The following CNIH3 variants were observed in gnomAD, a reference collection of about 807,000 sequenced individuals.
The protein encoded by CNIH3 is cornichon family AMPA receptor auxiliary protein 3, also known as protein cornichon homolog 3.
In CNIH3, 14 loss-of-function variants were observed where a neutral mutation model predicts 24.1. The observed-to-expected ratio is 0.58, with a 90% CI of 0.38 to 0.91. The LOEUF (loss-of-function observed/expected upper bound fraction) is 0.91. Ranked by LOEUF, CNIH3 falls within the 40% of genes least tolerant of loss-of-function variation. The probability of loss-of-function intolerance (pLI) is 0.00; values close to 1 mark genes in which losing one functional copy is unlikely to be tolerated. For synonymous variants in CNIH3, 68 were observed against 73.8 expected, an observed-to-expected ratio of 0.92 and a Z score of 0.40; for missense variants, 178 against 196.8, an observed-to-expected ratio of 0.90 and a Z score of 0.57.
chr1:224,704,956 C>T lies in CNIH3; in HGVS notation c.198+20113C>T, dbSNP rs554022436. ...GAAACCCCGTCTCTAGTAAAAAATA[C>T]AAAAATTAGCTGGGCATGGTGGCAG... On this transcript the variant is annotated intron_variant, in intron 3 of 5. Coordinates refer to ENST00000272133, the MANE Select transcript of CNIH3 (RefSeq NM_152495.2). The surrounding 1 kb of genome is among the most constrained non-coding windows in gnomAD (Gnocchi z 4.2). 1.3e-5 allele frequency among the ~76,000 whole-genome samples: 2 copies of T among 151,980 alleles called. No individual in the cohort carries two copies. The highest frequency in any genetic ancestry group is 2.1e-4 in the South Asian group (1 of 4,806).
At chr1:224,529,692 G>A (rs1440921370) in intron 2 of CNIH3, among the ~76,000 whole-genome samples, 1 of 152,210 alleles carries the variant, frequency 6.6e-6, no homozygotes, top group Non-Finnish European at 1.5e-5. Context: ...GAGGCAGAGA[G>A]GGAAGGTTAT....
chr1:224,705,171 T>C (rs1281488322), intron 3 of CNIH3, among the ~76,000 whole-genome samples: 3 of 152,136 alleles, frequency 2.0e-5, no homozygotes, highest in Admixed American at 2.0e-4. Context: ...GTGTTTCCCA[T>C]AGTTTCCTTT....
chr1:224,574,019 T>A (rs1051035723), intron 4 of CNIH3, among the ~76,000 whole-genome samples: 3 of 152,196 alleles, frequency 2.0e-5, no homozygotes, highest in African/African-American at 7.2e-5. Context: ...CACCTCAGCC[T>A]CCCAAGGTGT....
At chr1:224,671,672 C>T (rs1426186894) in intron 1 of CNIH3, among the ~76,000 whole-genome samples, 1 of 152,184 alleles carries the variant, frequency 6.6e-6, no homozygotes, top group Non-Finnish European at 1.5e-5. Context: ...AACACAAAAT[C>T]AAATAAAACA....
intron 1 of CNIH3, among the ~76,000 whole-genome samples, chr1:224,634,530 G>T (rs1572628958): frequency 6.6e-6 from 1 of 151,024 alleles, no homozygotes; most frequent in East Asian, 2.0e-4. Context: ...CCGAGATTGT[G>T]CCACGGCACT....
intron 1 of CNIH3, among the ~76,000 whole-genome samples, chr1:224,673,580 C>T (rs6676362): frequency 0.22 from 32,821 of 152,090 alleles, 3,578 homozygotes; most frequent in East Asian, 0.26. Context: ...AGAGGCTTCC[C>T]TGATCACTTC....
chr1:224,552,324 C>T (rs1235263654), intron 3 of CNIH3, among the ~76,000 whole-genome samples: 2 of 151,606 alleles, frequency 1.3e-5, no homozygotes, highest in Non-Finnish European at 2.9e-5. Flanking sequence ...AATATATCCT[C>T]TCCCTTATAT....
intron 1 of CNIH3, among the ~76,000 whole-genome samples, chr1:224,628,969 G>C (rs962219152): frequency 1.3e-5 from 2 of 148,276 alleles, no homozygotes; most frequent in Admixed American, 1.4e-4. Flanking sequence ...ACTTTGAGTT[G>C]TCCCGCCTTT....
intron 1 of CNIH3, among the ~76,000 whole-genome samples, chr1:224,629,993 G>T (rs1683739049): frequency 6.6e-6 from 1 of 152,134 alleles, no homozygotes; most frequent in South Asian, 2.1e-4. Flanking sequence ...TCCTTAAACC[G>T]ATATTTTATT....
chr1:224,598,031 G>T (rs1006911413), intron 3 of CNIH3, among the ~76,000 whole-genome samples: 52 of 152,330 alleles, frequency 3.4e-4, no homozygotes, highest in Non-Finnish European at 3.2e-4. Flanking sequence ...CCCCAACATT[G>T]TGTTGTGAGA....
rs1686368938 is a variant in CNIH3, at chr1:224,680,946, A to G, written c.82-12A>G. On this transcript the variant is annotated splice_polypyrimidine_tract_variant and intron_variant, in intron 1 of 5. Transcript: ENST00000272133. The stretch of plus-strand genomic sequence containing the variant: ...GTGCACTAACACCTCAAATCTCTGT[A>G]TTCTGTTTCAGATAATTGCCTTTGA... The G allele has an allele frequency of 1.2e-6, 2 of 1,609,056 alleles. No individual in the cohort carries two copies. The highest frequency in any genetic ancestry group is 1.3e-5 in the African/African-American group (1 of 74,954).
intron 1 of CNIH3, among the ~76,000 whole-genome samples, chr1:224,519,253 G>T (rs1279522247): frequency 6.6e-6 from 1 of 152,210 alleles, no homozygotes; most frequent in Admixed American, 6.5e-5. Flanking sequence ...ATGGCAGAAG[G>T]GCCTGAATAG....
chr1:224,624,164 C>G (rs759080034), intron 1 of CNIH3, among the ~76,000 whole-genome samples: 1 of 152,224 alleles, frequency 6.6e-6, no homozygotes, highest in African/African-American at 2.4e-5. Flanking sequence ...CCCTTCTCAG[C>G]TCAGCACTTG....
At chr1:224,516,359 G>T (rs559911271) in intron 1 of CNIH3, among the ~76,000 whole-genome samples, 1 of 147,638 alleles carries the variant, frequency 6.8e-6, no homozygotes, top group East Asian at 2.0e-4. Context: ...ACTTCGGCTT[G>T]GCACATAAAG....
chr1:224,517,913 GA>G (rs1359739034), intron 1 of CNIH3, among the ~76,000 whole-genome samples: 2 of 152,134 alleles, frequency 1.3e-5, no homozygotes, highest in Non-Finnish European at 2.9e-5. Context: ...TGGGCCTTGG[GA>G]ATGATGGGGG....
chr1:224,495,426 C>T (rs546673995), intron 1 of CNIH3, among the ~76,000 whole-genome samples: 15 of 152,270 alleles, frequency 9.9e-5, no homozygotes, highest in East Asian at 5.8e-4. Flanking sequence ...TGGAAAAAAA[C>T]GATGAATTCA....
intron 1 of CNIH3, among the ~76,000 whole-genome samples, chr1:224,461,115 G>A (rs532979244): frequency 1.3e-5 from 2 of 151,350 alleles, no homozygotes; most frequent in African/African-American, 4.9e-5. Context: ...AAATTCTTGT[G>A]CGTTGGCTTC....
chr1:224,562,841 C>A (rs1318969056), intron 3 of CNIH3, among the ~76,000 whole-genome samples: 2 of 152,158 alleles, frequency 1.3e-5, no homozygotes, highest in Non-Finnish European at 2.9e-5. Context: ...CAGATGCTGG[C>A]GCAGTTCCTA....
At chr1:224,438,059 A>C (rs1021351188) in intron 1 of CNIH3, among the ~76,000 whole-genome samples, 4 of 151,828 alleles carry the variant, frequency 2.6e-5, no homozygotes, top group Admixed American at 6.6e-5. Context: ...ACTACAGGCA[A>C]CCACCACCAC....
Sources: allele counts gnomAD v4.1 joint callset (sites outside exome capture counted in the v4.1 genomes callset), GRCh38; gene constraint gnomAD v4.1.1; non-coding constraint Gnocchi (gnomAD v3.1); transcripts MANE v1.5; gene names NCBI Gene and HGNC (gene_info 2026-07-23, HGNC 2026-07-21).